Variants in LRCH1 observed in about 807,000 individuals in gnomAD.
LRCH1 encodes leucine rich repeats and calponin homology domain containing 1, also known as leucine-rich repeat and calponin homology domain-containing protein 1.
In LRCH1, 23 loss-of-function variants were observed where a neutral mutation model predicts 94.9. The observed-to-expected ratio is 0.24, with a 90% CI of 0.17 to 0.34. LRCH1 has a LOEUF of 0.34. Ranked by LOEUF, LRCH1 falls within the 10% of genes least tolerant of loss-of-function variation. The probability of loss-of-function intolerance (pLI) is 1.00; values close to 1 mark genes in which losing one functional copy is unlikely to be tolerated. For missense variants in LRCH1, 790 were observed against 945.9 expected (o/e 0.84, Z 2.16); for synonymous variants, 364 against 354.9 (o/e 1.03, Z -0.29).
intron 1 of LRCH1, among the ~76,000 whole-genome samples, chr13:46,624,471 C>T (rs1358838519): frequency 6.6e-6 from 1 of 152,214 alleles, no homozygotes. Context: ...TAAGACGGGG[C>T]TATTGCATTC....
chr13:46,681,857 AAG>A lies in LRCH1; in HGVS notation c.685+14_685+15del, dbSNP rs1212746840. Reference sequence around the variant, plus strand: ...AAGTTTTACCACAAGGTAAAAAAGAAAGAGGGAAAATGAAGAAAATGGGAGAC... The same window carrying A: ...AAGTTTTACCACAAGGTAAAAAAGAAAGGGAAAATGAAGAAAATGGGAGAC... On this transcript the variant is annotated intron_variant, in intron 4 of 19. Coordinates refer to ENST00000389797, the MANE Select transcript of LRCH1 (RefSeq NM_001164211.2). 17 of 1,549,918 alleles carry A rather than the reference AAG, an allele frequency of 1.1e-5. No individual in the cohort carries two copies. Among genetic ancestry groups the A allele is most frequent in the Non-Finnish European group, 1.5e-5 (17 of 1,123,690 alleles).
chr13:46,585,271 G>T (rs2050417940), intron 1 of LRCH1, among the ~76,000 whole-genome samples: 1 of 152,140 alleles, frequency 6.6e-6, no homozygotes, highest in Non-Finnish European at 1.5e-5. Flanking sequence ...TTGGAATTCT[G>T]CTACTCATAA....
chr13:46,653,822 AAAAGAAAG>A lies in LRCH1; in HGVS notation c.452+3493_452+3500del, dbSNP rs1247920349. On this transcript the variant is annotated intron_variant, in intron 2 of 19. Coordinates refer to ENST00000389797, the MANE Select transcript of LRCH1 (RefSeq NM_001164211.2). ...GGGCAACGGAACAAGACCCTGTCTC[AAAAGAAAG>A]AAAGAAAGAAAGAAAATAAAATAAA... Among the ~76,000 whole-genome samples, 4 of 152,224 alleles carry A rather than the reference AAAAGAAAG, an allele frequency of 2.6e-5. No individual in the cohort carries two copies. The East Asian group carries it at 7.7e-4, about 29-fold the overall frequency.
intron 16 of LRCH1, among the ~76,000 whole-genome samples, chr13:46,721,376 A>G (rs1448034001): frequency 6.6e-6 from 1 of 152,162 alleles, no homozygotes; most frequent in Non-Finnish European, 1.5e-5. Context: ...CTCTATCTGC[A>G]TTTCTTGACC....
At position 46,742,768 on chromosome 13, in the gene LRCH1, T is replaced by C. The variant is rs919412482; in HGVS notation, c.*920T>C. 1.0e-6 allele frequency: 1 copy of C among 985,278 alleles called. No homozygotes were observed. Among genetic ancestry groups the C allele is most frequent in the Non-Finnish European group, 1.2e-6 (1 of 829,930 alleles). The allele number at this position is 985,278 out of a possible 1,614,324, so 61.0% of individuals were successfully genotyped here. A position where few individuals can be genotyped will look rare whatever the true frequency, so the allele number is the denominator to read the frequency against. On this transcript the variant is annotated 3_prime_UTR_variant, in exon 20 of 20. Transcript: ENST00000389797. ...CTCTATTCATTTTCAAATAAAGCCA[T>C]GAGCCGTGGAACATTCTTGGTCCTG... is the stretch of plus-strand genomic sequence containing the variant.
chr13:46,553,242 C>CCCT lies in LRCH1; in HGVS notation c.-155_-154insCCT. The CCCT allele has an allele frequency of 1.8e-6, 1 of 568,656 alleles. No homozygotes were observed. Among genetic ancestry groups the CCCT allele is most frequent in the South Asian group, 2.0e-5 (1 of 50,700 alleles). The allele number at this position is 568,656 out of a possible 1,614,324, so 35.2% of individuals were successfully genotyped here. On this transcript the variant is annotated 5_prime_UTR_variant, in exon 1 of 20. Transcript: ENST00000389797. ...CACGGCCGCCTCCCCGCCCGCCCCC[C>CCCT]ATTCTACGCGCCTGCCCACACCCTC...
intron 1 of LRCH1, among the ~76,000 whole-genome samples, chr13:46,642,997 C>T (rs2051177322): frequency 6.6e-6 from 1 of 152,190 alleles, no homozygotes; most frequent in Admixed American, 6.5e-5. Context: ...GATTCACTAA[C>T]ACCTCTATAC....
intron 18 of LRCH1, among the ~76,000 whole-genome samples, chr13:46,729,260 G>A (rs189086853): frequency 9.7e-4 from 147 of 152,120 alleles, no homozygotes; most frequent in African/African-American, 3.4e-3. Flanking sequence ...CTTACTGGGC[G>A]GGCACGGTGG....
chr13:46,692,921 G>A (rs957290683), intron 8 of LRCH1, among the ~76,000 whole-genome samples: 49 of 151,798 alleles, frequency 3.2e-4, no homozygotes, highest in African/African-American at 1.1e-3. Context: ...TACTTCCTAC[G>A]GTACATAGTA....
chr13:46,656,176 A>G (rs1452020388), intron 2 of LRCH1, among the ~76,000 whole-genome samples: 1 of 152,224 alleles, frequency 6.6e-6, no homozygotes. Context: ...AGTGTCTTGC[A>G]TGCTAGGGTT....
intron 1 of LRCH1, among the ~76,000 whole-genome samples, chr13:46,630,280 G>A (rs2051002725): frequency 6.6e-6 from 1 of 152,150 alleles, no homozygotes; most frequent in African/African-American, 2.4e-5. Context: ...CTATTTTTCT[G>A]TTCCTTCCTG....
At chr13:46,584,301 G>A (rs2050406600) in intron 1 of LRCH1, among the ~76,000 whole-genome samples, 1 of 152,178 alleles carries the variant, frequency 6.6e-6, no homozygotes, top group Non-Finnish European at 1.5e-5. Flanking sequence ...TGATTTGAGA[G>A]CTCGATACCC....
intron 1 of LRCH1, among the ~76,000 whole-genome samples, chr13:46,572,573 C>A (rs560141605): frequency 6.6e-6 from 1 of 151,890 alleles, no homozygotes; most frequent in Non-Finnish European, 1.5e-5. Flanking sequence ...CTACCTATAA[C>A]GACTGTTTTC....
At position 46,715,592 on chromosome 13, in the gene LRCH1, A is replaced by G. The variant is rs960098169; in HGVS notation, c.1687A>G (p.Asn563Asp). The G allele has an allele frequency of 3.3e-6, 5 of 1,537,068 alleles. No homozygotes were observed. The highest frequency in any genetic ancestry group is 3.5e-6 in the Non-Finnish European group (4 of 1,146,844). ...CCTCATTCTTCCTCCTATCTCCTTC[A>G]ACACACTTACACAGGCACAGACATG... is the stretch of plus-strand genomic sequence containing the variant. ...PALILPPISFNTLTQAQTWDS... is the reference protein window; with the variant it reads ...PALILPPISFDTLTQAQTWDS... The change falls in exon 16 of 20, where the codon AAC becomes GAC. Residue 563 changes from asparagine (N) to aspartate (D), a missense_variant. Physicochemically the swap from Asn to Asp is conservative, Grantham distance 23. Coordinates refer to ENST00000389797, the MANE Select transcript of LRCH1 (RefSeq NM_001164211.2).
At chr13:46,583,075 A>G (rs2050391489) in intron 1 of LRCH1, among the ~76,000 whole-genome samples, 1 of 152,238 alleles carries the variant, frequency 6.6e-6, no homozygotes, top group Non-Finnish European at 1.5e-5. Flanking sequence ...CTCAAGAAAT[A>G]TTCTGCCACA....
Position 46,744,243 on chromosome 13 carries a change from G to A in LRCH1, c.*2395G>A. ...TAGAGTCTGAGAAGTAGTCAGGGAT[G>A]TCACTGAGTGGTTTATTGTGCTGAC... is the stretch of plus-strand genomic sequence containing the variant. On this transcript the variant is annotated 3_prime_UTR_variant, in exon 20 of 20. Transcript: ENST00000389797. 1.1e-5 allele frequency: 11 copies of A among 985,426 alleles called. No individual in the cohort carries two copies. Among genetic ancestry groups the A allele is most frequent in the Non-Finnish European group, 1.3e-5 (11 of 829,928 alleles). 61.0% of individuals were successfully genotyped at this position (985,426 alleles called of 1,614,324 possible). A position where few individuals can be genotyped will look rare whatever the true frequency, so the allele number is the denominator to read the frequency against.
In LRCH1 at chr13:46,686,172, A is replaced by G. The variant is rs1186327891; in HGVS notation, c.822+131A>G. The G allele has an allele frequency of 4.4e-6, 4 of 904,364 alleles. No individual in the cohort carries two copies. In the African/African-American group the frequency reaches 5.2e-5, roughly 12 times the overall value. The allele number at this position is 904,364 out of a possible 1,614,324, so 56.0% of individuals were successfully genotyped here. A position where few individuals can be genotyped will look rare whatever the true frequency, so the allele number is the denominator to read the frequency against. On this transcript the variant is annotated intron_variant, in intron 5 of 19. Coordinates refer to ENST00000389797, the MANE Select transcript of LRCH1 (RefSeq NM_001164211.2). ...CACTGGCAAGCGGCAGATTAATTGG[A>G]GAAAAGGCATCAAAATTTATTAACA...
intron 3 of LRCH1, among the ~76,000 whole-genome samples, chr13:46,679,044 A>C (rs1256386099): frequency 6.6e-6 from 1 of 152,224 alleles, no homozygotes; most frequent in Non-Finnish European, 1.5e-5. Context: ...TGATTTCCAT[A>C]ATTTATATAA....
intron 17 of LRCH1, 49 bp downstream of exon 17, chr13:46,723,379 A>G (rs1348596997): frequency 3.7e-6 from 5 of 1,341,660 alleles, no homozygotes; most frequent in South Asian, 1.2e-5. Flanking sequence ...GCAACATTCT[A>G]CATTTTTGAG....
Sources: gnomAD v4.1 joint callset for allele counts (sites outside exome capture counted in the v4.1 genomes callset) on GRCh38, gnomAD v4.1.1 for gene constraint, MANE v1.5 for transcripts, NCBI Gene and HGNC (gene_info 2026-07-23, HGNC 2026-07-21) for gene names.